The following PCED1B variants were observed in gnomAD, a reference collection of about 807,000 sequenced individuals.
PCED1B encodes the protein PC-esterase domain containing 1B, also known as PC-esterase domain-containing protein 1B.
For synonymous variants in PCED1B, 251 were observed against 246.1 expected (o/e 1.02, Z -0.19); for missense variants, 573 against 573.9 (o/e 1.00, Z 0.02).
At chr12:47,135,160 A>T (rs1231212995) in intron 2 of PCED1B, among the ~76,000 whole-genome samples, 1 of 152,208 alleles carries the variant, frequency 6.6e-6, no homozygotes, top group Non-Finnish European at 1.5e-5. Context: ...GTCCATGTCC[A>T]TAGATCTAGG....
chr12:47,229,771 C>A (rs868434982), intron 3 of PCED1B, among the ~76,000 whole-genome samples: 1 of 151,520 alleles, frequency 6.6e-6, no homozygotes, highest in Non-Finnish European at 1.5e-5. Context: ...GTAATCATTT[C>A]TTTTCTTTTT....
intron 2 of PCED1B, among the ~76,000 whole-genome samples, chr12:47,203,272 C>G (rs570575726): frequency 6.6e-6 from 1 of 152,150 alleles, no homozygotes; most frequent in East Asian, 1.9e-4. Flanking sequence ...GCCCAGCCTT[C>G]TCTTTTCTTT....
chr12:47,211,609 G>A (rs923812920), intron 2 of PCED1B, among the ~76,000 whole-genome samples: 34 of 134,000 alleles, frequency 2.5e-4, no homozygotes, highest in African/African-American at 7.4e-4. Flanking sequence ...AGCCAAGATC[G>A]CACCACTGCA....
chr12:47,082,068 G>C (rs1937758626), intron 1 of PCED1B, among the ~76,000 whole-genome samples: 2 of 152,206 alleles, frequency 1.3e-5, no homozygotes, highest in Admixed American at 1.3e-4. Flanking sequence ...TGGGAGGAAA[G>C]AAAGATAAGA....
chr12:47,144,134 A>G (rs1917662), intron 2 of PCED1B, among the ~76,000 whole-genome samples: 87,194 of 151,988 alleles, frequency 0.57, 25,799 homozygotes, highest in Admixed American at 0.65. Context: ...AATGCCACCA[A>G]GGTTTATGGC....
intron 2 of PCED1B, among the ~76,000 whole-genome samples, chr12:47,125,804 G>A (rs1056535960): frequency 1.3e-5 from 2 of 151,930 alleles, no homozygotes; most frequent in African/African-American, 4.8e-5. Flanking sequence ...ATTTCTGATT[G>A]TTCACTGCCA....
chr12:47,159,510 T>C (rs183517542), intron 2 of PCED1B, among the ~76,000 whole-genome samples: 98 of 152,156 alleles, frequency 6.4e-4, no homozygotes, highest in African/African-American at 2.3e-3. Context: ...ATGTAGAGCA[T>C]TTTGTTGGCC....
intron 2 of PCED1B, among the ~76,000 whole-genome samples, chr12:47,202,014 T>C (rs1191359799): frequency 2.6e-5 from 4 of 152,314 alleles, no homozygotes; most frequent in Middle Eastern, 6.8e-3. Flanking sequence ...TTAAAGCCAT[T>C]TAGATCAAGT....
At chr12:47,121,508 C>T (rs1238296226) in intron 2 of PCED1B, among the ~76,000 whole-genome samples, 1 of 152,124 alleles carries the variant, frequency 6.6e-6, no homozygotes, top group African/African-American at 2.4e-5. Flanking sequence ...ATCTCCTTTG[C>T]CATTTTTCTC....
chr12:47,220,741 G>C (rs1177916276), intron 3 of PCED1B, among the ~76,000 whole-genome samples: 3 of 152,154 alleles, frequency 2.0e-5, no homozygotes, highest in Admixed American at 1.3e-4. Flanking sequence ...CAGAACCAAA[G>C]GTTAAGTAGA....
chr12:47,236,139 T>TC lies in PCED1B; in HGVS notation c.1080dup (p.Ser361LeufsTer38). On this transcript the variant is annotated frameshift_variant, in exon 4 of 4. Transcript: ENST00000546455. LOFTEE classifies it low-confidence loss of function (END_TRUNC). ...GATCAATTCTATTGCCATTCAGATGTCCCCTCATCAGCCCATGCAGGTTTC... is the reference window on the plus strand; with the variant it reads ...GATCAATTCTATTGCCATTCAGATGTCCCCCTCATCAGCCCATGCAGGTTTC... 1 of 1,614,142 alleles carries TC rather than the reference T, an allele frequency of 6.2e-7. No individual in the cohort carries two copies. The highest frequency in any genetic ancestry group is 8.5e-7 in the Non-Finnish European group (1 of 1,180,036).
At chr12:47,170,862 A>G (rs767172891) in intron 2 of PCED1B, among the ~76,000 whole-genome samples, 3 of 150,660 alleles carry the variant, frequency 2.0e-5, no homozygotes, top group Admixed American at 6.6e-5. Flanking sequence ...TTCTTTCTTC[A>G]TTTTTGCTGA....
intron 2 of PCED1B, among the ~76,000 whole-genome samples, chr12:47,189,426 T>C (rs898095880): frequency 6.6e-6 from 1 of 152,224 alleles, no homozygotes; most frequent in Non-Finnish European, 1.5e-5. Context: ...GAGAAGAGCC[T>C]GTAATCTTGC....
At chr12:47,197,018 T>TAAA (rs1229233625) in intron 2 of PCED1B, among the ~76,000 whole-genome samples, 3 of 142,722 alleles carry the variant, frequency 2.1e-5, no homozygotes, top group East Asian at 4.0e-4. Flanking sequence ...GCAGTTTATT[T>TAAA]AAAAAAAAAA....
At chr12:47,184,949 T>A (rs1358569352) in intron 2 of PCED1B, among the ~76,000 whole-genome samples, 5 of 152,150 alleles carry the variant, frequency 3.3e-5, no homozygotes, top group Admixed American at 3.3e-4. Context: ...GCAAGAGGTC[T>A]AGAGGTGAGT....
intron 2 of PCED1B, among the ~76,000 whole-genome samples, chr12:47,133,983 A>G (rs1197821711): frequency 6.6e-6 from 1 of 152,136 alleles, no homozygotes; most frequent in African/African-American, 2.4e-5. Flanking sequence ...CCTCACTAGA[A>G]CCCAACAATG....
chr12:47,111,512 TCAC>T (rs1376483450), intron 2 of PCED1B, among the ~76,000 whole-genome samples: 1 of 152,148 alleles, frequency 6.6e-6, no homozygotes, highest in Non-Finnish European at 1.5e-5. Flanking sequence ...TGTGCCACTG[TCAC>T]CACCATCCAC....
intron 2 of PCED1B, among the ~76,000 whole-genome samples, chr12:47,192,814 G>C (rs955263788): frequency 1.3e-5 from 2 of 152,124 alleles, no homozygotes; most frequent in East Asian, 3.9e-4. Flanking sequence ...ATCATTCCTT[G>C]AGACAAGTAC....
chr12:47,231,055 CA>C (rs1229401859), intron 3 of PCED1B, among the ~76,000 whole-genome samples: 7 of 152,146 alleles, frequency 4.6e-5, no homozygotes, highest in Non-Finnish European at 1.0e-4. Flanking sequence ...AGTTAGGATT[CA>C]AACCCAGGTA....
Sources: gnomAD v4.1 joint callset for allele counts (sites outside exome capture counted in the v4.1 genomes callset) on GRCh38, gnomAD v4.1.1 for gene constraint, MANE v1.5 for transcripts, NCBI Gene and HGNC (gene_info 2026-07-23, HGNC 2026-07-21) for gene names.